Variants in LYN observed in about 807,000 individuals in gnomAD.
LYN encodes the protein tyrosine-protein kinase Lyn.
In LYN, 12 loss-of-function variants were observed where a neutral mutation model predicts 65.0. The observed-to-expected ratio is 0.18, with a 90% CI of 0.12 to 0.30. LYN has a LOEUF of 0.30. Among genes scored for constraint, LYN ranks in the 10% least tolerant of loss-of-function variants. The pLI, the probability that LYN is intolerant of heterozygous loss-of-function variation, is 1.00. For synonymous variants in LYN, 222 were observed against 221.2 expected (o/e 1.00, Z -0.03); for missense variants, 380 against 623.2 (o/e 0.61, Z 4.16).
chr8:55,998,290 GCACTTTCCAGT>G, intron 10 of LYN, 45 bp from the exon 11 acceptor site: 1 of 1,425,814 alleles, frequency 7.0e-7, no homozygotes, highest in Non-Finnish European at 9.8e-7. Context: ...TTCCTTGATG[GCACTTTCCAGT>G]CACCTACCCT....
intron 12 of LYN, among the ~76,000 whole-genome samples, chr8:56,007,950 C>A (rs907802287): frequency 2.6e-5 from 4 of 151,884 alleles, no homozygotes; most frequent in Non-Finnish European, 5.9e-5. Context: ...GAAACCCCGT[C>A]TCTACTAAAA....
intron 10 of LYN, among the ~76,000 whole-genome samples, chr8:55,993,820 C>G (rs575393324): frequency 1.3e-5 from 2 of 152,314 alleles, no homozygotes; most frequent in South Asian, 4.1e-4. Context: ...CAACAATCTT[C>G]TGAATCAAAC....
chr8:56,009,870 G>A (rs771885544), intron 12 of LYN, 38 bp from the exon 13 acceptor site: 6 of 1,571,962 alleles, frequency 3.8e-6, no homozygotes, highest in Non-Finnish European at 5.2e-6. Context: ...TTTCTAAACG[G>A]CATGGGTTTC....
chr8:55,936,538 G>A (rs1200754107), intron 1 of LYN, among the ~76,000 whole-genome samples: 2 of 152,184 alleles, frequency 1.3e-5, no homozygotes, highest in Non-Finnish European at 2.9e-5. Context: ...TACCTGGGAG[G>A]CTGAGGCAGA....
chr8:55,888,801 A>G (rs1273217718), intron 1 of LYN, among the ~76,000 whole-genome samples: 2 of 152,002 alleles, frequency 1.3e-5, no homozygotes, highest in Non-Finnish European at 2.9e-5. Flanking sequence ...CAGTGGTACG[A>G]TCTCACTCAC....
intron 10 of LYN, among the ~76,000 whole-genome samples, chr8:55,992,956 T>G (rs1214005097): frequency 6.6e-6 from 1 of 152,136 alleles, no homozygotes; most frequent in Non-Finnish European, 1.5e-5. Context: ...AGTTTCAACA[T>G]GAATTTGGAG....
At chr8:55,915,416 A>C (rs1283923098) in intron 1 of LYN, among the ~76,000 whole-genome samples, 16 of 152,226 alleles carry the variant, frequency 1.1e-4, no homozygotes, top group Admixed American at 4.6e-4. Flanking sequence ...TGGATCTTTA[A>C]ATTTTGTGAT....
chr8:55,981,231 C>T (rs1807909377), intron 10 of LYN, among the ~76,000 whole-genome samples: 2 of 152,164 alleles, frequency 1.3e-5, no homozygotes, highest in African/African-American at 4.8e-5. Context: ...GAAGCAGTTC[C>T]ATCCCAACTC....
chr8:55,915,377 A>G (rs981563639), intron 1 of LYN, among the ~76,000 whole-genome samples: 3 of 152,266 alleles, frequency 2.0e-5, no homozygotes, highest in Admixed American at 6.5e-5. Flanking sequence ...CTGTGAAACC[A>G]GAACCAAACA....
At chr8:56,001,210 T>A (rs140550331) in intron 12 of LYN, among the ~76,000 whole-genome samples, 2 of 152,178 alleles carry the variant, frequency 1.3e-5, no homozygotes, top group Admixed American at 6.5e-5. Context: ...GCCAGCGTGG[T>A]TTGGGCCTCT....
chr8:55,952,598 A>G (rs1034401242), intron 7 of LYN, among the ~76,000 whole-genome samples: 1 of 152,190 alleles, frequency 6.6e-6, no homozygotes, highest in African/African-American at 2.4e-5. Flanking sequence ...TAATTAATCT[A>G]CAGTTAAATA....
At chr8:55,974,141 G>A (rs1157716689) in intron 10 of LYN, among the ~76,000 whole-genome samples, 7 of 152,154 alleles carry the variant, frequency 4.6e-5, no homozygotes, top group African/African-American at 1.2e-4. Context: ...GCTAGTATGC[G>A]GAATTGCTGG....
intron 1 of LYN, among the ~76,000 whole-genome samples, chr8:55,936,434 G>A (rs986305759): frequency 6.6e-5 from 10 of 152,174 alleles, no homozygotes; most frequent in Non-Finnish European, 1.5e-4. Flanking sequence ...GAGGTCAGGA[G>A]TTCGAGACCA....
chr8:55,962,412 G>A (rs1401273426), intron 8 of LYN, among the ~76,000 whole-genome samples: 2 of 152,008 alleles, frequency 1.3e-5, no homozygotes, highest in Non-Finnish European at 1.5e-5. Context: ...ATGTTGGTGA[G>A]ATGCATCCGT....
intron 10 of LYN, among the ~76,000 whole-genome samples, chr8:55,983,846 A>G (rs1014112288): frequency 6.6e-6 from 1 of 152,144 alleles, no homozygotes; most frequent in African/African-American, 2.4e-5. Context: ...AAGTGATTCC[A>G]TTGAAAGCAT....
chr8:55,934,545 A>G (rs1391654447), intron 1 of LYN, among the ~76,000 whole-genome samples: 1 of 152,236 alleles, frequency 6.6e-6, no homozygotes, highest in Non-Finnish European at 1.5e-5. Context: ...GTGCAAGTGC[A>G]TGCAACTGGG....
chr8:55,944,374 T>G (rs1806714476), intron 2 of LYN, among the ~76,000 whole-genome samples: 2 of 152,186 alleles, frequency 1.3e-5, no homozygotes, highest in Admixed American at 1.3e-4. Context: ...ACAAATAGTT[T>G]TCTTATAGAC....
intron 1 of LYN, among the ~76,000 whole-genome samples, chr8:55,934,106 G>A (rs1451369398): frequency 1.3e-5 from 2 of 152,116 alleles, no homozygotes; most frequent in Non-Finnish European, 2.9e-5. Context: ...AGCGCCTGTA[G>A]TCCCAGCTAC....
chr8:55,981,256 C>T (rs1353912410), intron 10 of LYN, among the ~76,000 whole-genome samples: 1 of 152,190 alleles, frequency 6.6e-6, no homozygotes, highest in African/African-American at 2.4e-5. Context: ...TTACTCCATT[C>T]TCCTCAGTCT....
Sources: allele counts gnomAD v4.1 joint callset (sites outside exome capture counted in the v4.1 genomes callset), GRCh38; gene constraint gnomAD v4.1.1; transcripts MANE v1.5; gene names NCBI Gene and HGNC (gene_info 2026-07-23, HGNC 2026-07-21).